Variants in ZNF500 observed in about 807,000 individuals in gnomAD.
The protein encoded by ZNF500 is zinc finger protein with KRAB and SCAN domains 18.
A neutral mutation model predicts 30.1 loss-of-function variants in ZNF500; 31 were observed. That is an observed-to-expected ratio of 1.03 (90% CI 0.77 to 1.39). The LOEUF (loss-of-function observed/expected upper bound fraction) is 1.39. Among genes scored for constraint, ZNF500 ranks in the 40% most tolerant of loss-of-function variants. The pLI is 0.00. For synonymous variants in ZNF500, 392 were observed against 282.0 expected, an observed-to-expected ratio of 1.39 and a Z score of -3.91; for missense variants, 817 against 657.8, an observed-to-expected ratio of 1.24 and a Z score of -2.65.
chr16:4,762,820 G>C, intron 2 of ZNF500, 64 bp from the exon 3 acceptor site: 1 of 1,511,896 alleles, frequency 6.6e-7, no homozygotes, highest in Non-Finnish European at 8.8e-7. Context: ...TCCCCGCAGG[G>C]CCCCACACCC....
downstream of ZNF500, chr16:4,747,049 C>A: frequency 6.6e-7 from 1 of 1,506,600 alleles, no homozygotes; most frequent in South Asian, 1.3e-5. Context: ...GGCCTCTCGC[C>A]ACCTGCAGAT....
At chr16:4,754,997 C>T (rs952480048) in intron 5 of ZNF500, among the ~76,000 whole-genome samples, 1 of 152,182 alleles carries the variant, frequency 6.6e-6, no homozygotes, top group Non-Finnish European at 1.5e-5. Context: ...TGCTCCTGCT[C>T]CAGCCATGTG....
At position 4,749,461 on chromosome 16, in the gene ZNF500, C is replaced by G. The variant is rs1272375441; in HGVS notation, c.*2915G>C. ...TAGGAAGTCAGACCTGCGTCCAAAG[C>G]TGGCTCTGCCACCTGGGCAAGGTTT... is the stretch of plus-strand genomic sequence containing the variant. On this transcript the variant is annotated 3_prime_UTR_variant, in exon 6 of 6. Coordinates refer to ENST00000219478, the MANE Select transcript of ZNF500 (RefSeq NM_021646.4). 6.5e-6 allele frequency: 1 copy of G among 154,482 alleles called. No homozygotes were observed. Among genetic ancestry groups the G allele is most frequent in the Non-Finnish European group, 1.5e-5 (1 of 68,250 alleles). 9.6% of individuals were successfully genotyped at this position (154,482 alleles called of 1,614,324 possible). A position where few individuals can be genotyped will look rare whatever the true frequency, so the allele number is the denominator to read the frequency against.
In ZNF500 at chr16:4,751,526, G is replaced by C; in HGVS notation, c.*850C>G. 6.6e-7 allele frequency: 1 copy of C among 1,514,628 alleles called. No homozygotes were observed. The highest frequency in any genetic ancestry group is 8.8e-7 in the Non-Finnish European group (1 of 1,134,470). The allele number at this position is 1,514,628 out of a possible 1,614,324, so 93.8% of individuals were successfully genotyped here. Reference sequence around the variant, plus strand: ...GGGACTGGAATGCTGCAGAGCCCCGGGCTCCATTTGGAAACTCTGGCAGGA... The same window carrying C: ...GGGACTGGAATGCTGCAGAGCCCCGCGCTCCATTTGGAAACTCTGGCAGGA... On this transcript the variant is annotated 3_prime_UTR_variant, in exon 6 of 6. Coordinates refer to ENST00000219478, the MANE Select transcript of ZNF500 (RefSeq NM_021646.4).
chr16:4,746,536 A>C (rs1014655549), downstream of ZNF500: 16 of 1,605,768 alleles, frequency 1.0e-5, no homozygotes, highest in Non-Finnish European at 1.2e-5. Context: ...TGACTACCCC[A>C]TACCAGCCTC....
downstream of ZNF500, chr16:4,746,892 T>G: frequency 1.3e-6 from 2 of 1,500,280 alleles, no homozygotes; most frequent in African/African-American, 2.8e-5. Context: ...CCAGGTGGAG[T>G]GGGCACATCC....
intron 2 of ZNF500, 93 bp from the exon 3 acceptor site, chr16:4,762,849 G>T: frequency 4.8e-6 from 7 of 1,469,412 alleles, no homozygotes; most frequent in Non-Finnish European, 6.3e-6. Flanking sequence ...AGGCACCCCA[G>T]CCGGCTGCCC....
chr16:4,759,758 C>T (rs2082176709), intron 5 of ZNF500, among the ~76,000 whole-genome samples: 1 of 152,090 alleles, frequency 6.6e-6, no homozygotes, highest in Non-Finnish European at 1.5e-5. Context: ...TCAGCATGGC[C>T]ACGCACGGTG....
chr16:4,745,957 AAAAAAAAAAAAAG>A (rs1382463765), downstream of ZNF500, among the ~76,000 whole-genome samples: 1 of 151,594 alleles, frequency 6.6e-6, no homozygotes, highest in Non-Finnish European at 1.5e-5. Context: ...TGTCTCAAAA[AAAAAAAAAAAAAG>A]AAAAAGAAAA....
chr16:4,759,117 G>A (rs1441423043), intron 5 of ZNF500, among the ~76,000 whole-genome samples: 1 of 152,042 alleles, frequency 6.6e-6, no homozygotes, highest in East Asian at 1.9e-4. Flanking sequence ...GGCTGAGGCA[G>A]GAGAATCGCT....
intron 5 of ZNF500, among the ~76,000 whole-genome samples, chr16:4,757,402 C>T (rs2061212): frequency 0.6 from 90,437 of 151,528 alleles, 27,363 homozygotes; most frequent in East Asian, 0.66. Context: ...AGCCTTGACC[C>T]CCCAAGCTCA....
At chr16:4,758,871 C>T (rs555204496) in intron 5 of ZNF500, among the ~76,000 whole-genome samples, 7 of 151,936 alleles carry the variant, frequency 4.6e-5, no homozygotes, top group South Asian at 2.1e-4. Context: ...CATGAAAGGA[C>T]GCTACCAACA....
At chr16:4,761,693 CA>C (rs1464020475) in intron 4 of ZNF500, among the ~76,000 whole-genome samples, 5 of 142,438 alleles carry the variant, frequency 3.5e-5, no homozygotes, top group South Asian at 2.3e-4. Flanking sequence ...AAAAAAAAAA[CA>C]AAAAAAAAAC....
At chr16:4,762,009 C>G (rs749297846) in intron 4 of ZNF500, among the ~76,000 whole-genome samples, 1 of 152,342 alleles carries the variant, frequency 6.6e-6, no homozygotes, top group African/African-American at 2.4e-5. Context: ...GTAGGAGTCA[C>G]CACCCTGTCT....
At chr16:4,757,159 T>C (rs1460557829) in intron 5 of ZNF500, among the ~76,000 whole-genome samples, 1 of 152,168 alleles carries the variant, frequency 6.6e-6, no homozygotes, top group Non-Finnish European at 1.5e-5. Context: ...ATATGGCTAA[T>C]TTTATGTTAT....
chr16:4,747,717 T>G (rs1414338270), downstream of ZNF500: 1 of 1,428,544 alleles, frequency 7.0e-7, no homozygotes, highest in Non-Finnish European at 9.3e-7. Context: ...GTTCCTGCAT[T>G]TCCACTAGCA....
chr16:4,758,465 T>C (rs2082162063), intron 5 of ZNF500: 1 of 152,200 alleles, frequency 6.6e-6, no homozygotes, highest in Admixed American at 6.5e-5. Context: ...GCACAGGGAA[T>C]GAACTGGACC....
rs1397434196 is a variant in ZNF500 at position 4,748,409 on chromosome 16, A to C, written c.*3967T>G. ...AATTTGCTTTCTCTTTCTCTTCTTTACCTAAGATAGAAAGGCACACATAGA... is the reference window on the plus strand; with the variant it reads ...AATTTGCTTTCTCTTTCTCTTCTTTCCCTAAGATAGAAAGGCACACATAGA... On this transcript the variant is annotated 3_prime_UTR_variant, in exon 6 of 6. Transcript: ENST00000219478. 1.3e-5 allele frequency: 2 copies of C among 152,076 alleles called. No homozygotes were observed. The highest frequency in any genetic ancestry group is 2.4e-5 in the African/African-American group (1 of 41,382). The allele number at this position is 152,076 out of a possible 1,614,324, so 9.4% of individuals were successfully genotyped here. A position where few individuals can be genotyped will look rare whatever the true frequency, so the allele number is the denominator to read the frequency against.
intron 2 of ZNF500, among the ~76,000 whole-genome samples, chr16:4,765,000 C>T (rs1005736328): frequency 6.6e-6 from 1 of 151,632 alleles, no homozygotes; most frequent in Non-Finnish European, 1.5e-5. Context: ...GACCTCTCTC[C>T]CACCAAAACC....
Sources: allele counts gnomAD v4.1 joint callset (sites outside exome capture counted in the v4.1 genomes callset), GRCh38; gene constraint gnomAD v4.1.1; transcripts MANE v1.5; gene names NCBI Gene and HGNC (gene_info 2026-07-23, HGNC 2026-07-21).